AP1B1: variants seen among roughly 807,000 people sequenced by gnomAD.
AP1B1 encodes the protein adaptor related protein complex 1 subunit beta 1.
In AP1B1, 36 loss-of-function variants were observed where a neutral mutation model predicts 104.3. That is an observed-to-expected ratio of 0.35 (90% CI 0.26 to 0.46). AP1B1 has a LOEUF of 0.46. Ranked by LOEUF, AP1B1 falls within the 20% of genes least tolerant of loss-of-function variation. The probability of loss-of-function intolerance (pLI) is 1.00; values close to 1 mark genes in which losing one functional copy is unlikely to be tolerated. For missense variants in AP1B1, 901 were observed against 1,247.9 expected (o/e 0.72, Z 4.19); for synonymous variants, 504 against 517.5 (o/e 0.97, Z 0.35).
rs139994318 is a variant in AP1B1 at position 29,358,897 on chromosome 22, G to A, written c.354C>T (p.Ile118=). ...RTMGCIRVDK[I]TEYLCEPLRK... ...GGAGTGGCTCGCACAGGTACTCTGT[G>A]ATCTTGTCAACGCGGATGCAGCCCA... Residue 118 remains isoleucine, a synonymous_variant, in exon 5 of 23, where the codon ATC becomes ATT. Transcript: ENST00000357586. 4 of 1,613,512 alleles carry A rather than the reference G, an allele frequency of 2.5e-6. No individual in the cohort carries two copies. The highest frequency in any genetic ancestry group is 1.3e-5 in the African/African-American group (1 of 74,908).
chr22:29,363,665 C>T (rs2062086795), intron 2 of AP1B1, among the ~76,000 whole-genome samples: 1 of 151,010 alleles, frequency 6.6e-6, no homozygotes, highest in South Asian at 2.1e-4. Flanking sequence ...AAAAAAGAGG[C>T]TGAGGATTAC....
chr22:29,362,348 CTTCTT>C (rs2062062498), intron 3 of AP1B1, among the ~76,000 whole-genome samples: 2 of 151,780 alleles, frequency 1.3e-5, no homozygotes, highest in Admixed American at 6.6e-5. Context: ...ATTTCCCATT[CTTCTT>C]TTTTTTTTTT....
chr22:29,329,786 C>A, intron 21 of AP1B1, 66 bp from the exon 22 acceptor site: 1 of 1,607,448 alleles, frequency 6.2e-7, no homozygotes, highest in Non-Finnish European at 8.5e-7. Context: ...CGGAAGTTAC[C>A]ACCACCGAAG....
chr22:29,331,436 C>G lies in AP1B1; in HGVS notation c.2524+13G>C. 6.2e-7 allele frequency: 1 copy of G among 1,613,970 alleles called. No homozygotes were observed. Among genetic ancestry groups the G allele is most frequent in the Non-Finnish European group, 8.5e-7 (1 of 1,179,844 alleles). On this transcript the variant is annotated intron_variant, in intron 19 of 22. Coordinates refer to ENST00000357586, the MANE Select transcript of AP1B1 (RefSeq NM_001127.4). ...CCATTTCAGGCACCCCAGCGGGCTC[C>G]CTCATGACTCACCCATCTTCCCGTC...
chr22:29,361,823 C>T (rs1718057458), intron 3 of AP1B1, among the ~76,000 whole-genome samples: 1 of 151,406 alleles, frequency 6.6e-6, no homozygotes, highest in African/African-American at 2.4e-5. Context: ...GAGATGGAGT[C>T]TTGCTCTGTT....
At chr22:29,329,387 TCA>T in intron 22 of AP1B1, 1 of 1,244,978 alleles carries the variant, frequency 8.0e-7, no homozygotes, top group Non-Finnish European at 1.0e-6. Flanking sequence ...GAGCTTGAGA[TCA>T]CAGGCAGAGG....
chr22:29,387,862 A>G (rs1337676653), intron 1 of AP1B1, among the ~76,000 whole-genome samples: 2 of 152,242 alleles, frequency 1.3e-5, no homozygotes, highest in Admixed American at 1.3e-4. Flanking sequence ...CCCGGTACAC[A>G]GAAGGGACTC....
chr22:29,357,905 C>G (rs1303342695), intron 5 of AP1B1, among the ~76,000 whole-genome samples: 1 of 151,848 alleles, frequency 6.6e-6, no homozygotes, highest in Admixed American at 6.6e-5. Flanking sequence ...CCAGGATGGT[C>G]TCAATCTCCT....
At chr22:29,368,323 A>G (rs1368971648) in intron 1 of AP1B1, among the ~76,000 whole-genome samples, 4 of 152,148 alleles carry the variant, frequency 2.6e-5, no homozygotes, top group Non-Finnish European at 5.9e-5. Context: ...AATAGGACAA[A>G]GAAAGTACTG....
At chr22:29,357,663 C>A (rs1163615819) in intron 5 of AP1B1, among the ~76,000 whole-genome samples, 1 of 151,394 alleles carries the variant, frequency 6.6e-6, no homozygotes, top group Non-Finnish European at 1.5e-5. Flanking sequence ...CCTGTATGAG[C>A]CACTGCGCGC....
rs1193420933 is a variant in AP1B1 at position 29,350,099 on chromosome 22, C to A, written c.1207G>T (p.Val403Phe). ...ATGGCCTCCTGGACCACATAGTTGACCTTGGTCTGGATGAGGTCGAGCAGC... is the reference window on the plus strand; with the variant it reads ...ATGGCCTCCTGGACCACATAGTTGAACTTGGTCTGGATGAGGTCGAGCAGC... ...STLLDLIQTK[V>F]NYVVQEAIVV... Residue 403 changes from valine (V) to phenylalanine (F), a missense_variant, in exon 10 of 23, where the codon GTC becomes TTC. Physicochemically the swap from Val to Phe is conservative, Grantham distance 50. Around this residue, in one of 3 missense-constraint regions of AP1B1, gnomAD observed 471 missense variants for 696.7 expected, o/e 0.68. Coordinates refer to ENST00000357586, the MANE Select transcript of AP1B1 (RefSeq NM_001127.4). The A allele has an allele frequency of 6.2e-7, 1 of 1,614,202 alleles. No homozygotes were observed. Among genetic ancestry groups the A allele is most frequent in the Admixed American group, 1.7e-5 (1 of 60,020 alleles).
At chr22:29,346,728 T>C (rs1312702136) in intron 11 of AP1B1, among the ~76,000 whole-genome samples, 1 of 151,924 alleles carries the variant, frequency 6.6e-6, no homozygotes. Flanking sequence ...ATAGGCAAGC[T>C]TTGCTTCTGA....
chr22:29,365,365 G>C (rs1602769968), intron 2 of AP1B1, among the ~76,000 whole-genome samples: 1 of 152,090 alleles, frequency 6.6e-6, no homozygotes, highest in East Asian at 1.9e-4. Context: ...AAAAAAAATA[G>C]CTGGGCATGG....
At position 29,351,124 on chromosome 22, in the gene AP1B1, A is replaced by G. The variant is rs1555928624; in HGVS notation, c.1155+47T>C. The G allele has an allele frequency of 6.4e-6, 10 of 1,550,748 alleles. No individual in the cohort carries two copies. In the South Asian group the frequency reaches 1.0e-4, roughly 16 times the overall value. ...TGAATCAGACTGGTTTCCCGGTTTC[A>G]GCCCCCTTTTCCTTCTCCAGCCAAG... is the stretch of plus-strand genomic sequence containing the variant. On this transcript the variant is annotated intron_variant, in intron 9 of 22. Transcript: ENST00000357586.
chr22:29,339,805 C>T lies in AP1B1; in HGVS notation c.1999-31G>A, dbSNP rs377525448. The T allele has an allele frequency of 5.0e-6, 8 of 1,601,044 alleles. No homozygotes were observed. The African/African-American group carries it at 8.1e-5, about 16-fold the overall frequency. ...AGCAGAAGCAGGCAGGTGAAGAGAA[C>T]AGGCAGCCACATGCAGAGAGAAAAA... On this transcript the variant is annotated intron_variant, in intron 14 of 22. Transcript: ENST00000357586.
chr22:29,376,408 A>G lies in AP1B1; in HGVS notation c.-27-9138T>C, dbSNP rs554979727. ...ATCAGTGTGGTGAGATGAGGCAGAG[A>G]AAAAGCTTTAGGAAAGGAAAAGGGG... On this transcript the variant is annotated intron_variant, in intron 1 of 22. Transcript: ENST00000357586. Among the ~76,000 whole-genome samples, 14 of 152,322 alleles carry G rather than the reference A, an allele frequency of 9.2e-5. No individual in the cohort carries two copies. In the East Asian group the frequency reaches 2.7e-3, roughly 29 times the overall value.
At chr22:29,364,540 TA>T (rs35250877) in intron 2 of AP1B1, among the ~76,000 whole-genome samples, 3,747 of 152,256 alleles carry the variant, frequency 0.025, 141 homozygotes, top group African/African-American at 0.086. Context: ...TGCCTCAGCA[TA>T]CCGGGTAGCT....
At chr22:29,349,469 G>A (rs931986319) in intron 10 of AP1B1, 86 bp from the exon 11 acceptor site, 2 of 1,449,108 alleles carry the variant, frequency 1.4e-6, no homozygotes, top group Non-Finnish European at 1.9e-6. Context: ...GGAGGGAAGG[G>A]GACCTGCCTC....
At chr22:29,385,001 AG>A (rs2062498932) in intron 1 of AP1B1, among the ~76,000 whole-genome samples, 1 of 152,232 alleles carries the variant, frequency 6.6e-6, no homozygotes, top group Non-Finnish European at 1.5e-5. Context: ...GGAAGAACCA[AG>A]TAGCACTCCA....
Sources: allele counts gnomAD v4.1 joint callset (sites outside exome capture counted in the v4.1 genomes callset), GRCh38; gene constraint gnomAD v4.1.1; regional missense constraint gnomAD v4.1.1; transcripts MANE v1.5; gene names NCBI Gene and HGNC (gene_info 2026-07-23, HGNC 2026-07-21).